The following LRRC7 variants were observed in gnomAD, a reference collection of about 807,000 sequenced individuals.
LRRC7 encodes the protein leucine rich repeat containing 7, also known as leucine-rich repeat-containing protein 7.
Under a neutral mutation model 175.7 loss-of-function variants are expected in LRRC7, and 23 were observed. The ratio of observed to expected loss-of-function variants is 0.13; its 90% CI spans 0.09 to 0.19. The LOEUF is 0.19. Ranked by LOEUF, LRRC7 falls within the 10% of genes least tolerant of loss-of-function variation. The pLI is 1.00. For missense variants in LRRC7, 1,354 were observed against 1,904.7 expected (o/e 0.71, Z 5.38); for synonymous variants, 685 against 680.9 (o/e 1.01, Z -0.09).
chr1:70,037,846 GACACA>G (rs944587924), intron 20 of LRRC7, among the ~76,000 whole-genome samples: 6 of 151,944 alleles, frequency 3.9e-5, no homozygotes, highest in Admixed American at 1.3e-4. Flanking sequence ...TCTAGCAGAG[GACACA>G]ACACAAGATA....
At chr1:69,639,324 A>G (rs1368690898) in intron 1 of LRRC7, among the ~76,000 whole-genome samples, 2 of 151,838 alleles carry the variant, frequency 1.3e-5, no homozygotes, top group Non-Finnish European at 2.9e-5. Flanking sequence ...ATCATGCATT[A>G]GATAATGAAA....
chr1:69,980,334 T>C (rs551907912), intron 8 of LRRC7, 45 bp from the exon 9 acceptor site: 7 of 1,429,524 alleles, frequency 4.9e-6, no homozygotes, highest in Admixed American at 3.5e-5. Context: ...TAAAAACTAA[T>C]TTAATTTTGT....
chr1:69,656,147 T>A (rs1365925856), intron 1 of LRRC7, among the ~76,000 whole-genome samples: 1 of 151,954 alleles, frequency 6.6e-6, no homozygotes, highest in African/African-American at 2.4e-5. Flanking sequence ...TAGTATATTT[T>A]TTCAAGTAGA....
At chr1:69,595,750 A>G (rs1192264666) in intron 1 of LRRC7, among the ~76,000 whole-genome samples, 1 of 152,176 alleles carries the variant, frequency 6.6e-6, no homozygotes, top group Non-Finnish European at 1.5e-5. Flanking sequence ...TCAGTCTGCC[A>G]GATGGCACTT....
chr1:69,904,301 A>T (rs1331746288), intron 7 of LRRC7, among the ~76,000 whole-genome samples: 1 of 152,172 alleles, frequency 6.6e-6, no homozygotes, highest in African/African-American at 2.4e-5. Flanking sequence ...AATAAATATT[A>T]AAAAAGAAGA....
intron 1 of LRRC7, among the ~76,000 whole-genome samples, chr1:69,631,923 A>T (rs1225215822): frequency 6.6e-6 from 1 of 151,784 alleles, no homozygotes; most frequent in African/African-American, 2.4e-5. Flanking sequence ...TACTCATATC[A>T]CTCCAAAGCC....
chr1:69,853,276 T>TTTTC (rs1463161421), intron 7 of LRRC7, among the ~76,000 whole-genome samples: 1 of 133,510 alleles, frequency 7.5e-6, no homozygotes, highest in African/African-American at 2.8e-5. Flanking sequence ...CTTTCTTTTT[T>TTTTC]TTTTTTTTTT....
At chr1:69,642,821 T>C (rs918187897) in intron 1 of LRRC7, among the ~76,000 whole-genome samples, 2 of 151,304 alleles carry the variant, frequency 1.3e-5, no homozygotes, top group Non-Finnish European at 2.9e-5. Context: ...CATAGATAGA[T>C]AGATAGATAG....
chr1:69,919,533 C>A, intron 7 of LRRC7: 1 of 803,534 alleles, frequency 1.2e-6, no homozygotes, highest in East Asian at 2.6e-5. Context: ...GCCGCTCGCA[C>A]CTGCTAGTGA....
At chr1:69,738,690 G>A (rs1272497034) in intron 2 of LRRC7, among the ~76,000 whole-genome samples, 1 of 152,036 alleles carries the variant, frequency 6.6e-6, no homozygotes, top group Non-Finnish European at 1.5e-5. Context: ...ACATAGTTGG[G>A]GTTCTGTTCC....
chr1:69,931,393 C>G, intron 7 of LRRC7, 114 bp from the exon 8 acceptor site: 1 of 736,978 alleles, frequency 1.4e-6, no homozygotes, highest in Non-Finnish European at 2.4e-6. Flanking sequence ...AAGAGTACCC[C>G]CAGTTTTGTG....
intron 2 of LRRC7, among the ~76,000 whole-genome samples, chr1:69,703,542 T>C (rs1230681179): frequency 6.6e-6 from 1 of 152,020 alleles, no homozygotes; most frequent in African/African-American, 2.4e-5. Context: ...GCTGGCTAGT[T>C]TATCAAAGGA....
chr1:69,780,303 AG>A (rs1673338890), intron 3 of LRRC7, among the ~76,000 whole-genome samples: 1 of 152,216 alleles, frequency 6.6e-6, no homozygotes, highest in East Asian at 1.9e-4. Flanking sequence ...TTCTTTGCAA[AG>A]CCATCTCTCT....
At chr1:69,932,640 G>C (rs1415609843) in intron 8 of LRRC7, among the ~76,000 whole-genome samples, 1 of 152,164 alleles carries the variant, frequency 6.6e-6, no homozygotes, top group Non-Finnish European at 1.5e-5. Flanking sequence ...TTATTCTTCT[G>C]TGATTAAGTT....
intron 2 of LRRC7, among the ~76,000 whole-genome samples, chr1:69,715,392 ATTTTC>A (rs1395676867): frequency 1.3e-5 from 2 of 152,112 alleles, no homozygotes; most frequent in Non-Finnish European, 2.9e-5. Context: ...TTTAAAGTAC[ATTTTC>A]TTTTTTATTT....
chr1:69,911,299 T>A (rs1282417279), intron 7 of LRRC7, among the ~76,000 whole-genome samples: 1 of 152,222 alleles, frequency 6.6e-6, no homozygotes, highest in East Asian at 1.9e-4. Flanking sequence ...TCACTCACGC[T>A]GGGAGCTGTA....
intron 3 of LRRC7, among the ~76,000 whole-genome samples, chr1:69,791,477 A>G (rs1277954841): frequency 1.3e-5 from 2 of 152,022 alleles, no homozygotes; most frequent in African/African-American, 2.4e-5. Flanking sequence ...TGAAGCAATT[A>G]CGAGTGATTT....
At chr1:69,674,117 T>C (rs953195829) in intron 1 of LRRC7, among the ~76,000 whole-genome samples, 51 of 152,328 alleles carry the variant, frequency 3.3e-4, no homozygotes, top group African/African-American at 1.2e-3. Flanking sequence ...CAAGTGATTC[T>C]CTCACCTCAG....
chr1:69,860,435 G>A (rs1213833189), intron 7 of LRRC7, among the ~76,000 whole-genome samples: 1 of 151,922 alleles, frequency 6.6e-6, no homozygotes, highest in Non-Finnish European at 1.5e-5. Flanking sequence ...ACCCTTAAAG[G>A]TGGATTAGGG....
Sources: allele counts gnomAD v4.1 joint callset (sites outside exome capture counted in the v4.1 genomes callset), GRCh38; gene constraint gnomAD v4.1.1; transcripts MANE v1.5; gene names NCBI Gene and HGNC (gene_info 2026-07-23, HGNC 2026-07-21).